The following ECPAS variants were observed in gnomAD, a reference collection of about 807,000 sequenced individuals.
ECPAS encodes the protein proteasome adapter and scaffold protein ECM29.
ECPAS carries 70 observed loss-of-function variants against 255.1 expected under a neutral mutation model. That is an observed-to-expected ratio of 0.27 (90% CI 0.23 to 0.33). ECPAS has a LOEUF of 0.33. Ranked by LOEUF, ECPAS falls within the 10% of genes least tolerant of loss-of-function variation. The pLI, the probability that ECPAS is intolerant of heterozygous loss-of-function variation, is 1.00. For synonymous variants in ECPAS, 784 were observed against 775.0 expected (o/e 1.01, Z -0.19); for missense variants, 1,817 against 2,206.4 (o/e 0.82, Z 3.54).
At chr9:111,414,955 T>C (rs950870567) in intron 18 of ECPAS, among the ~76,000 whole-genome samples, 1 of 152,130 alleles carries the variant, frequency 6.6e-6, no homozygotes, top group Non-Finnish European at 1.5e-5. Flanking sequence ...TACCACATGT[T>C]CTCACTTATA....
rs565587551 is a variant in ECPAS at position 111,395,334 on chromosome 9, TTCATTCTACTCACAGCAA to T, written c.2777-1047_2777-1030del. Among the ~76,000 whole-genome samples the T allele has an allele frequency of 2.3e-3, 350 of 152,250 alleles. 1 individual carries two copies. Among genetic ancestry groups the T allele is most frequent in the African/African-American group, 7.8e-3 (325 of 41,544 alleles). On this transcript the variant is annotated intron_variant, in intron 25 of 49. Transcript: ENST00000684092. ...GCCCTAACTGGCTTCTCAAATGCTG[TTCATTCTACTCACAGCAA>T]GATTGGTACACTGTAACCAACAATG...
At chr9:111,465,639 T>A (rs1163633520) in intron 2 of ECPAS, among the ~76,000 whole-genome samples, 1 of 151,692 alleles carries the variant, frequency 6.6e-6, no homozygotes, top group African/African-American at 2.4e-5. Context: ...TTTTATTTTA[T>A]GATATAATTA....
intron 2 of ECPAS, among the ~76,000 whole-genome samples, chr9:111,468,236 G>A (rs2098281860): frequency 1.3e-5 from 2 of 152,148 alleles, no homozygotes; most frequent in African/African-American, 4.8e-5. Context: ...GTACCTGCCT[G>A]TAAAGAACTT....
chr9:111,475,127 T>C (rs1244798567), intron 1 of ECPAS, among the ~76,000 whole-genome samples: 2 of 152,242 alleles, frequency 1.3e-5, no homozygotes, highest in African/African-American at 4.8e-5. Context: ...TTATTTACAT[T>C]TGCACATAAA....
At chr9:111,480,245 G>C (rs1158370652) in intron 1 of ECPAS, among the ~76,000 whole-genome samples, 2 of 148,062 alleles carry the variant, frequency 1.4e-5, no homozygotes, top group African/African-American at 5.0e-5. Flanking sequence ...AAAATATTTG[G>C]ATAATTCTCT....
At position 111,363,602 on chromosome 9, in the gene ECPAS, A is replaced by C; in HGVS notation, c.5366T>G (p.Leu1789Arg). 2 of 1,579,170 alleles carry C rather than the reference A, an allele frequency of 1.3e-6. No homozygotes were observed. The highest frequency in any genetic ancestry group is 1.7e-6 in the Non-Finnish European group (2 of 1,156,314). The change falls in exon 49 of 50, where the codon CTT (leucine) becomes CGT (arginine). Residue 1789 changes from leucine (L) to arginine (R), a missense_variant. Around this residue, in one of 4 missense-constraint regions of ECPAS, gnomAD observed 960 missense variants for 1,179.0 expected, o/e 0.81. Coordinates refer to ENST00000684092, the MANE Select transcript of ECPAS (RefSeq NM_001364929.1). ...TEALSVIELL[L>R]KKLEESKQWE... Reference sequence around the variant, plus strand: ...CAACAACTTACCTTCAAGTTTTTTAAGCAGCAATTCTATCACAGATAAAGC... The same window carrying C: ...CAACAACTTACCTTCAAGTTTTTTACGCAGCAATTCTATCACAGATAAAGC...
chr9:111,415,894 G>A (rs1020371540), intron 18 of ECPAS, among the ~76,000 whole-genome samples: 2 of 152,044 alleles, frequency 1.3e-5, no homozygotes, highest in African/African-American at 2.4e-5. Flanking sequence ...CTAAAAAACA[G>A]AATTTCCCTT....
chr9:111,376,550 G>C lies in ECPAS; in HGVS notation c.3955-9C>G. 8 of 1,588,214 alleles carry C rather than the reference G, an allele frequency of 5.0e-6. No individual in the cohort carries two copies. The highest frequency in any genetic ancestry group is 6.9e-6 in the Non-Finnish European group (8 of 1,166,404). On this transcript the variant is annotated splice_polypyrimidine_tract_variant and intron_variant, in intron 36 of 49. Coordinates refer to ENST00000684092, the MANE Select transcript of ECPAS (RefSeq NM_001364929.1). ...GCACTATCCATCGCAGCCTAAAGAA[G>C]AGAAATTAAAGTCACCCGGCACATT... is the stretch of plus-strand genomic sequence containing the variant.
chr9:111,436,948 A>G lies in ECPAS; in HGVS notation c.700T>C (p.Leu234=), dbSNP rs1279245876. 1.9e-6 allele frequency: 3 copies of G among 1,601,738 alleles called. No individual in the cohort carries two copies. Among genetic ancestry groups the G allele is most frequent in the African/African-American group, 2.7e-5 (2 of 74,188 alleles). Residue 234 remains leucine, a synonymous_variant, in exon 7 of 50, where the codon TTG becomes CTG. Coordinates refer to ENST00000684092, the MANE Select transcript of ECPAS (RefSeq NM_001364929.1). ...CAAGCCTTGTGTGATACCTGTTCCA[A>G]TTGTTCAGGTGTCCATGGGTTATCA... The part of the protein sequence containing the change: ...IGDNPWTPEQ[L]EQCKLGIVKF...
intron 24 of ECPAS, among the ~76,000 whole-genome samples, chr9:111,406,926 C>T (rs1165780420): frequency 6.7e-6 from 1 of 148,808 alleles, no homozygotes; most frequent in East Asian, 2.0e-4. Flanking sequence ...ACCAAAAAAA[C>T]CTTCAGCACT....
At chr9:111,400,740 A>G (rs1030641910) in intron 24 of ECPAS, among the ~76,000 whole-genome samples, 37 of 152,232 alleles carry the variant, frequency 2.4e-4, no homozygotes, top group Non-Finnish European at 1.6e-4. Context: ...CAGAGGAAAA[A>G]AATGCAGAAG....
At chr9:111,372,322 A>G in intron 42 of ECPAS, 107 bp downstream of exon 42, 1 of 1,039,628 alleles carries the variant, frequency 9.6e-7, no homozygotes, top group South Asian at 1.5e-5. Flanking sequence ...ATGCATATTA[A>G]GGTCCTGGGA....
intron 22 of ECPAS, 52 bp downstream of exon 22, chr9:111,410,928 T>A (rs945189370): frequency 1.0e-5 from 16 of 1,529,772 alleles, no homozygotes; most frequent in Non-Finnish European, 1.3e-5. Flanking sequence ...TATTAAAATT[T>A]AACATAATTC....
chr9:111,423,302 C>G (rs1470576264), intron 12 of ECPAS, 54 bp from the exon 13 acceptor site: 7 of 1,234,324 alleles, frequency 5.7e-6, no homozygotes, highest in Non-Finnish European at 8.0e-6. Flanking sequence ...ACAGACAAAA[C>G]AAAAAATACA....
chr9:111,371,507 C>G (rs933376522), intron 43 of ECPAS, 114 bp downstream of exon 43: 32 of 996,090 alleles, frequency 3.2e-5, no homozygotes, highest in Non-Finnish European at 4.5e-5. Context: ...TCTAGGAAAT[C>G]TAGTTCACAA....
At chr9:111,471,113 T>C (rs984236059) in intron 2 of ECPAS, among the ~76,000 whole-genome samples, 1 of 152,152 alleles carries the variant, frequency 6.6e-6, no homozygotes, top group Admixed American at 6.6e-5. Flanking sequence ...CTCATATGGG[T>C]GTGTAAGCCC....
At chr9:111,468,632 A>T (rs946010227) in intron 2 of ECPAS, among the ~76,000 whole-genome samples, 28 of 132,024 alleles carry the variant, frequency 2.1e-4, no homozygotes, top group African/African-American at 6.6e-4. Context: ...AGTGAGTGAG[A>T]GAGAGAGAGA....
intron 10 of ECPAS, among the ~76,000 whole-genome samples, chr9:111,427,160 GAA>G (rs34971252): frequency 1.4e-5 from 2 of 139,650 alleles, no homozygotes. Context: ...CCCTGTCTCA[GAA>G]AAAAAAAAAA....
Position 111,365,279 on chromosome 9 carries a change from A to G in ECPAS, c.5308+960T>C, listed in dbSNP as rs190514358. ...AGCAAGACCCTGTCTCAAAAATAAT[A>G]ATAACCATTATCATCATCATCATCA... On this transcript the variant is annotated intron_variant, in intron 48 of 49. Transcript: ENST00000684092. 5.5e-3 allele frequency among the ~76,000 whole-genome samples: 662 copies of G among 120,996 alleles called. 3 individuals carry two copies. The highest frequency in any genetic ancestry group is 9.8e-3 in the Non-Finnish European group (542 of 55,064). 79.4% of individuals were successfully genotyped at this position (120,996 alleles called of 152,430 possible).
Sources: gnomAD v4.1 joint callset for allele counts (sites outside exome capture counted in the v4.1 genomes callset) on GRCh38, gnomAD v4.1.1 for gene constraint, gnomAD v4.1.1 regional missense constraint, MANE v1.5 for transcripts, NCBI Gene and HGNC (gene_info 2026-07-23, HGNC 2026-07-21) for gene names.